Variants in RBFOX1 observed in about 807,000 individuals in gnomAD.
RBFOX1 encodes RNA binding protein fox-1 homolog 1.
In RBFOX1, 8 loss-of-function variants were observed where a neutral mutation model predicts 57.7. The observed-to-expected ratio is 0.14, with a 90% confidence interval of 0.08 to 0.25. The LOEUF is 0.25. RBFOX1 is among the 10% of genes least tolerant of loss of function. The probability of loss-of-function intolerance (pLI) is 1.00; values close to 1 mark genes in which losing one functional copy is unlikely to be tolerated. For synonymous variants in RBFOX1, 326 were observed against 222.4 expected (o/e 1.47, Z -4.15); for missense variants, 611 against 548.5 (o/e 1.11, Z -1.14).
At chr16:6,490,217 C>T (rs903962134) in intron 2 of RBFOX1, among the ~76,000 whole-genome samples, 2 of 152,066 alleles carry the variant, frequency 1.3e-5, no homozygotes, top group African/African-American at 4.8e-5. Flanking sequence ...ATAGAAATGC[C>T]AATTTGACAC....
At chr16:5,638,277 T>G (rs1487040020) in intron 3 of RBFOX1, among the ~76,000 whole-genome samples, 1 of 152,080 alleles carries the variant, frequency 6.6e-6, no homozygotes, top group East Asian at 1.9e-4. Flanking sequence ...GAGCCTGGGG[T>G]CCAACCCACA....
intron 4 of RBFOX1, among the ~76,000 whole-genome samples, chr16:7,432,743 C>G (rs143725819): frequency 1.3e-5 from 2 of 152,312 alleles, no homozygotes; most frequent in Non-Finnish European, 2.9e-5. Flanking sequence ...GTCCTAGACT[C>G]CAGCTGATGG....
chr16:7,061,024 G>GTGTGTGTA (rs2054091620), intron 4 of RBFOX1, among the ~76,000 whole-genome samples: 1 of 150,706 alleles, frequency 6.6e-6, no homozygotes, highest in Non-Finnish European at 1.5e-5. Flanking sequence ...ATGTTCTCCT[G>GTGTGTGTA]TGTGTGTGTG....
chr16:7,218,002 ATG>A (rs1228829242), intron 4 of RBFOX1, among the ~76,000 whole-genome samples: 2 of 150,344 alleles, frequency 1.3e-5, no homozygotes, highest in African/African-American at 2.4e-5. Flanking sequence ...GTGCACGTGC[ATG>A]TGTGTTTGTA....
chr16:6,554,511 C>G (rs183613969), intron 2 of RBFOX1, among the ~76,000 whole-genome samples: 56 of 152,252 alleles, frequency 3.7e-4, no homozygotes, highest in African/African-American at 1.3e-3. Context: ...ATCGTGTACC[C>G]TGAATTAGTG....
At chr16:5,370,724 C>G (rs28373871) in intron 1 of RBFOX1, among the ~76,000 whole-genome samples, 228 of 152,136 alleles carry the variant, frequency 1.5e-3, no homozygotes, top group African/African-American at 5.3e-3. Context: ...AACACCTAGA[C>G]TCAAACTGTT....
intron 1 of RBFOX1, among the ~76,000 whole-genome samples, chr16:5,269,211 C>T (rs1324191083): frequency 6.6e-6 from 1 of 152,254 alleles, no homozygotes; most frequent in Non-Finnish European, 1.5e-5. Flanking sequence ...GCCACCGCAC[C>T]AGGCCAATTT....
At chr16:6,476,629 CTCGGTGTTG>C (rs1567363132) in intron 2 of RBFOX1, among the ~76,000 whole-genome samples, 2 of 152,096 alleles carry the variant, frequency 1.3e-5, no homozygotes, top group African/African-American at 2.4e-5. Flanking sequence ...AGGGTCTTGC[CTCGGTGTTG>C]ATGGCTTTGT....
At chr16:6,649,647 A>C (rs1286418962) in intron 2 of RBFOX1, among the ~76,000 whole-genome samples, 1 of 152,216 alleles carries the variant, frequency 6.6e-6, no homozygotes, top group Admixed American at 6.5e-5. Context: ...TGTTTCACTT[A>C]GAATAATGGT....
rs2080458624 is a variant in RBFOX1 at position 6,950,343 on chromosome 16, C to T, written c.-15-101714C>T. On this transcript the variant is annotated intron_variant, in intron 3 of 15. Transcript: ENST00000550418. ...CACCCATTGCTTTATCCCATAGAATCACAGTTACTTGTGTGGATCTCTGTC... is the reference window on the plus strand; with the variant it reads ...CACCCATTGCTTTATCCCATAGAATTACAGTTACTTGTGTGGATCTCTGTC... 2.0e-5 allele frequency among the ~76,000 whole-genome samples: 3 copies of T among 152,074 alleles called. 1 individual carries two copies. Among genetic ancestry groups the T allele is most frequent in the Admixed American group, 2.0e-4 (3 of 15,266 alleles).
chr16:6,612,850 A>AG (rs2098082962), intron 2 of RBFOX1, among the ~76,000 whole-genome samples: 1 of 74,912 alleles, frequency 1.3e-5, no homozygotes, highest in African/African-American at 4.5e-5. Context: ...ACTCTCTCTC[A>AG]AAAAAAAAAA....
chr16:6,570,703 A>C (rs11859491), intron 2 of RBFOX1, among the ~76,000 whole-genome samples: 5,203 of 152,272 alleles, frequency 0.034, 301 homozygotes, highest in African/African-American at 0.12. Flanking sequence ...GTATCCGCCA[A>C]CTTCCTACTC....
chr16:6,708,054 C>T (rs535257677), intron 3 of RBFOX1, among the ~76,000 whole-genome samples: 3 of 152,196 alleles, frequency 2.0e-5, no homozygotes, highest in East Asian at 3.9e-4. Flanking sequence ...ATCGTCTTTC[C>T]CCTGGCTTCC....
At chr16:5,398,057 A>G (rs545999055) in intron 1 of RBFOX1, among the ~76,000 whole-genome samples, 1 of 149,338 alleles carries the variant, frequency 6.7e-6, no homozygotes, top group East Asian at 1.9e-4. Flanking sequence ...TGCAAAGAAA[A>G]ACCACACGGG....
At chr16:7,124,194 G>C (rs953223739) in intron 4 of RBFOX1, among the ~76,000 whole-genome samples, 2 of 152,158 alleles carry the variant, frequency 1.3e-5, no homozygotes, top group Non-Finnish European at 2.9e-5. Flanking sequence ...AGCACTTCGG[G>C]AGGCCAAGGC....
At chr16:7,064,953 A>T (rs2055586175) in intron 4 of RBFOX1, among the ~76,000 whole-genome samples, 1 of 152,204 alleles carries the variant, frequency 6.6e-6, no homozygotes, top group Non-Finnish European at 1.5e-5. Flanking sequence ...CTTGGGGGAT[A>T]GAGATGATGT....
chr16:7,654,960 G>C (rs189517163), intron 12 of RBFOX1, among the ~76,000 whole-genome samples: 1 of 152,286 alleles, frequency 6.6e-6, no homozygotes, highest in Non-Finnish European at 1.5e-5. Context: ...TAAATTCAGC[G>C]ATCCCCAGAA....
chr16:6,867,047 C>G (rs1007125241), intron 3 of RBFOX1, among the ~76,000 whole-genome samples: 1 of 150,648 alleles, frequency 6.6e-6, no homozygotes, highest in Non-Finnish European at 1.5e-5. Context: ...CCATGTCTTG[C>G]TATTATTATG....
At chr16:5,272,406 G>A (rs2063035062) in intron 1 of RBFOX1, among the ~76,000 whole-genome samples, 1 of 152,122 alleles carries the variant, frequency 6.6e-6, no homozygotes, top group Non-Finnish European at 1.5e-5. Context: ...GGCATTGATG[G>A]AACTGGAACA....
Sources: allele counts gnomAD v4.1 joint callset (sites outside exome capture counted in the v4.1 genomes callset), GRCh38; gene constraint gnomAD v4.1.1; transcripts MANE v1.5; gene names NCBI Gene and HGNC (gene_info 2026-07-23, HGNC 2026-07-21).